Variants in CEP104 observed in about 807,000 individuals in gnomAD.
CEP104 encodes the protein centrosomal protein of 104 kDa.
A neutral mutation model predicts 113.3 loss-of-function variants in CEP104; 84 were observed. The observed-to-expected ratio is 0.74, with a 90% CI of 0.62 to 0.89. The LOEUF (loss-of-function observed/expected upper bound fraction) is 0.89. Ranked by LOEUF, CEP104 falls within the 40% of genes least tolerant of loss-of-function variation. The pLI, the probability that CEP104 is intolerant of heterozygous loss-of-function variation, is 0.00. For missense variants in CEP104, 1,053 were observed against 1,156.6 expected, an observed-to-expected ratio of 0.91 and a Z score of 1.30; for synonymous variants, 378 against 421.7, an observed-to-expected ratio of 0.90 and a Z score of 1.27.
In CEP104 at chr1:3,823,983, C is replaced by T. The variant is rs550477405; in HGVS notation, c.2365-421G>A. Among the ~76,000 whole-genome samples, 2 of 152,244 alleles carry T rather than the reference C, an allele frequency of 1.3e-5. No homozygotes were observed. The highest frequency in any genetic ancestry group is 2.9e-5 in the Non-Finnish European group (2 of 68,048). ...AGAGATTCTCTCGCTACGTTGGTGT[C>T]TCTGGCAGGAATGACTTGTATATAC... On this transcript the variant is annotated intron_variant, in intron 18 of 21. Coordinates refer to ENST00000378230, the MANE Select transcript of CEP104 (RefSeq NM_014704.4). This position sits in a 1 kb window ranked among gnomAD's most constrained non-coding sequence, Gnocchi z 4.1.
intron 20 of CEP104, among the ~76,000 whole-genome samples, chr1:3,822,046 C>CA (rs1557660351): frequency 3.9e-5 from 6 of 152,224 alleles, no homozygotes. Context: ...GATGCAACAA[C>CA]GTGCTGTCTG....
chr1:3,856,230 G>A (rs1644725135), intron 1 of CEP104, among the ~76,000 whole-genome samples: 1 of 152,166 alleles, frequency 6.6e-6, no homozygotes, highest in Non-Finnish European at 1.5e-5. Flanking sequence ...CCAACATGGT[G>A]AAACCCCGTC....
Position 3,831,244 on chromosome 1 carries a change from G to C in CEP104, c.1660-22C>G, listed in dbSNP as rs201735590. 11 of 1,602,372 alleles carry C rather than the reference G, an allele frequency of 6.9e-6. No individual in the cohort carries two copies. In the South Asian group the frequency reaches 1.2e-4, roughly 18 times the overall value. Reference sequence around the variant, plus strand: ...TTTCCTATGAAAGCCAAGGTAATTTGTTAATTTTTACTGGAAAATGCTGGA... The same window carrying C: ...TTTCCTATGAAAGCCAAGGTAATTTCTTAATTTTTACTGGAAAATGCTGGA... On this transcript the variant is annotated intron_variant, in intron 12 of 21. Transcript: ENST00000378230.
Position 3,812,278 on chromosome 1 carries a change from A to G in CEP104, c.*3124T>C, listed in dbSNP as rs1414873395. On this transcript the variant is annotated 3_prime_UTR_variant, in exon 22 of 22. Transcript: ENST00000378230. ...ACATTTACATTTGTATCCTAATGCCAATTTATACATACAATTCTTTTAAGT... is the reference window on the plus strand; with the variant it reads ...ACATTTACATTTGTATCCTAATGCCGATTTATACATACAATTCTTTTAAGT... 1 of 152,218 alleles carries G rather than the reference A, an allele frequency of 6.6e-6. No homozygotes were observed. Among genetic ancestry groups the G allele is most frequent in the Non-Finnish European group, 1.5e-5 (1 of 68,032 alleles). 9.4% of individuals were successfully genotyped at this position (152,218 alleles called of 1,614,324 possible).
At chr1:3,832,254 T>C (rs1218891715) in intron 12 of CEP104, among the ~76,000 whole-genome samples, 1 of 18,666 alleles carries the variant, frequency 5.4e-5, no homozygotes, top group Non-Finnish European at 1.3e-4. Flanking sequence ...CAGGAGTGTA[T>C]TGTAACCAGG....
chr1:3,829,391 T>C lies in CEP104; in HGVS notation c.2044-18A>G. ...CTCCGTGCCTGGTAAGAAAATTATT[T>C]TTCCATTAGAACAGCTTGTTAGGGT... On this transcript the variant is annotated intron_variant, in intron 14 of 21. Transcript: ENST00000378230. 1.3e-6 allele frequency: 2 copies of C among 1,591,270 alleles called. No homozygotes were observed. The highest frequency in any genetic ancestry group is 1.7e-6 in the Non-Finnish European group (2 of 1,165,040).
At chr1:3,821,789 C>T (rs532518211) in intron 20 of CEP104, among the ~76,000 whole-genome samples, 13 of 152,348 alleles carry the variant, frequency 8.5e-5, no homozygotes, top group African/African-American at 1.9e-4. Context: ...CAGATCCAGA[C>T]GATGAGAAGC....
At chr1:3,834,870 C>A in intron 11 of CEP104, 55 bp downstream of exon 11, 1 of 1,489,964 alleles carries the variant, frequency 6.7e-7, no homozygotes. Context: ...TTCTGTGGTA[C>A]GGCGCATGAT....
chr1:3,825,907 G>C, intron 17 of CEP104, 41 bp from the exon 18 acceptor site: 2 of 1,377,350 alleles, frequency 1.5e-6, no homozygotes, highest in Non-Finnish European at 2.1e-6. Flanking sequence ...TAAGGATCTA[G>C]TTCCACTGAT....
At chr1:3,843,356 G>C in intron 6 of CEP104, 2 of 511,294 alleles carry the variant, frequency 3.9e-6, no homozygotes, top group Non-Finnish European at 7.1e-6. Flanking sequence ...AGCGGCAACA[G>C]CAGCAGAAAA....
At chr1:3,827,649 T>A (rs1412588446) in intron 15 of CEP104, among the ~76,000 whole-genome samples, 3 of 152,188 alleles carry the variant, frequency 2.0e-5, no homozygotes, top group Non-Finnish European at 4.4e-5. Context: ...CTGAAAATGG[T>A]AAGATTTACA....
At chr1:3,833,311 C>T (rs1423856573) in intron 12 of CEP104, among the ~76,000 whole-genome samples, 4 of 152,112 alleles carry the variant, frequency 2.6e-5, no homozygotes, top group African/African-American at 7.2e-5. Flanking sequence ...AGGATCTGCA[C>T]ATCACAAAAT....
In CEP104 at chr1:3,814,245, G is replaced by A. The variant is rs1021329237; in HGVS notation, c.*1157C>T. 4 of 152,266 alleles carry A rather than the reference G, an allele frequency of 2.6e-5. No individual in the cohort carries two copies. The highest frequency in any genetic ancestry group is 9.6e-5 in the African/African-American group (4 of 41,460). 9.4% of individuals were successfully genotyped at this position (152,266 alleles called of 1,614,324 possible). On this transcript the variant is annotated 3_prime_UTR_variant, in exon 22 of 22. Transcript: ENST00000378230. Reference sequence around the variant, plus strand: ...GTAGCCTAGGCCCCTGGGAGCACAGGCTGGGGCAGCGAGAGGGTGGATGCT... The same window carrying A: ...GTAGCCTAGGCCCCTGGGAGCACAGACTGGGGCAGCGAGAGGGTGGATGCT...
Position 3,816,301 on chromosome 1 carries a change from T to A in CEP104, c.2641A>T (p.Lys881Ter). The change falls in exon 21 of 22, where the codon AAG becomes TAG. Residue 881 changes from lysine to a stop codon, truncating the protein, a stop_gained. Coordinates refer to ENST00000378230, the MANE Select transcript of CEP104 (RefSeq NM_014704.4). LOFTEE classifies it low-confidence loss of function (END_TRUNC). The part of the protein sequence containing the change: ...MNLRKTHILQ[K>*]APALQPGKSS... ...TCACCTGGCTGCAGTGCCGGGGCCT[T>A]CTGCAGAATGTGTGTCTTGCGCAGG... The A allele has an allele frequency of 6.4e-7, 1 of 1,553,092 alleles. No individual in the cohort carries two copies. Among genetic ancestry groups the A allele is most frequent in the Non-Finnish European group, 8.7e-7 (1 of 1,147,692 alleles).
At chr1:3,824,936 T>G (rs1176017949) in intron 18 of CEP104, among the ~76,000 whole-genome samples, 2 of 61,914 alleles carry the variant, frequency 3.2e-5, no homozygotes, top group African/African-American at 6.2e-5. Flanking sequence ...AGTGGCACTG[T>G]GGGAAGGGGG....
At chr1:3,833,795 G>C in intron 12 of CEP104, 67 bp downstream of exon 12, 1 of 1,478,124 alleles carries the variant, frequency 6.8e-7, no homozygotes, top group Non-Finnish European at 9.4e-7. Flanking sequence ...AAGGTGTTAA[G>C]AAAGCCAGAG....
At chr1:3,828,514 A>G (rs1644136812) in intron 15 of CEP104, among the ~76,000 whole-genome samples, 1 of 152,140 alleles carries the variant, frequency 6.6e-6, no homozygotes, top group Non-Finnish European at 1.5e-5. Flanking sequence ...TTCTTTTAAA[A>G]ATCTGTGGTA....
chr1:3,856,653 G>C (rs1229030303), intron 1 of CEP104, among the ~76,000 whole-genome samples: 1 of 152,204 alleles, frequency 6.6e-6, no homozygotes, highest in African/African-American at 2.4e-5. Context: ...GCCGGGGCAG[G>C]CGGTCCCAGC....
At position 3,823,320 on chromosome 1, in the gene CEP104, C is replaced by G. The variant is rs1644017146; in HGVS notation, c.2504-79G>C. The G allele has an allele frequency of 5.6e-6, 9 of 1,608,016 alleles. No homozygotes were observed. The South Asian group carries it at 9.9e-5, about 18-fold the overall frequency. The stretch of plus-strand genomic sequence containing the variant: ...ATGCTGCTGGCCTGCCCGCAGGTGC[C>G]CTTTAATTCACCAAGCCCTTGCACA... On this transcript the variant is annotated intron_variant, in intron 19 of 21. Transcript: ENST00000378230. This position sits in a 1 kb window ranked among gnomAD's most constrained non-coding sequence, Gnocchi z 4.1.
Sources: allele counts gnomAD v4.1 joint callset (sites outside exome capture counted in the v4.1 genomes callset), GRCh38; gene constraint gnomAD v4.1.1; non-coding constraint Gnocchi (gnomAD v3.1); transcripts MANE v1.5; gene names NCBI Gene and HGNC (gene_info 2026-07-23, HGNC 2026-07-21).